Variants in GLB1 observed in about 807,000 individuals in gnomAD.
The protein encoded by GLB1 is beta-galactosidase.
Under a neutral mutation model 74.0 loss-of-function variants are expected in GLB1, and 56 were observed. The observed-to-expected ratio is 0.76, with a 90% CI of 0.61 to 0.94. The LOEUF (loss-of-function observed/expected upper bound fraction) is 0.94. Among genes scored for constraint, GLB1 ranks in the 40% least tolerant of loss-of-function variants. The pLI, the probability that GLB1 is intolerant of heterozygous loss-of-function variation, is 0.00. For synonymous variants in GLB1, 323 were observed against 323.6 expected, an observed-to-expected ratio of 1.00 and a Z score of 0.02; for missense variants, 787 against 845.5, an observed-to-expected ratio of 0.93 and a Z score of 0.86.
chr3:32,961,945 C>G, the GLB1 span, among the ~76,000 whole-genome samples: 1 of 152,150 alleles, frequency 6.6e-6, no homozygotes, highest in African/African-American at 2.4e-5. Flanking sequence ...CCTGTAATCC[C>G]GGTACTTTGG....
chr3:33,043,799 A>ACAGATACCTCAGAAAAATACC, intron 10 of GLB1, among the ~76,000 whole-genome samples: 1 of 151,874 alleles, frequency 6.6e-6, no homozygotes, highest in Non-Finnish European at 1.5e-5. Context: ...ATACCAAGCA[A>ACAGATACCTCAGAAAAATACC]AAGTATGCAG....
At chr3:32,978,987 T>C in the GLB1 span, among the ~76,000 whole-genome samples, 28 of 150,892 alleles carry the variant, frequency 1.9e-4, no homozygotes, top group Middle Eastern at 0.01. Context: ...TTCTTTTTTT[T>C]TTTTCTGAGA....
At chr3:33,026,931 G>A (rs1010931510) in intron 10 of GLB1, among the ~76,000 whole-genome samples, 5 of 152,204 alleles carry the variant, frequency 3.3e-5, no homozygotes, top group Non-Finnish European at 5.9e-5. Context: ...CCACTTGTCT[G>A]TATACCTCAT....
rs1697254517 is a variant in GLB1 at position 33,016,833 on chromosome 3, T to C, written c.1355A>G (p.Gln452Arg). ...RAYVAVDGIP[Q>R]GVLERNNVIT... Reference sequence around the variant, plus strand: ...CACATTGTTTCGCTCAAGGACTCCCTGGGGGATCTGTGGGGTTCAAGACCA... The same window carrying C: ...CACATTGTTTCGCTCAAGGACTCCCCGGGGGATCTGTGGGGTTCAAGACCA... Residue 452 changes from glutamine (Q) to arginine (R), a missense_variant, in exon 14 of 16, where the codon CAG becomes CGG. Coordinates refer to ENST00000307363, the MANE Select transcript of GLB1 (RefSeq NM_000404.4). The C allele has an allele frequency of 6.2e-7, 1 of 1,613,982 alleles. No individual in the cohort carries two copies. The highest frequency in any genetic ancestry group is 8.5e-7 in the Non-Finnish European group (1 of 1,179,886).
intron 3 of GLB1, 88 bp from the exon 4 acceptor site, chr3:33,068,378 A>C: frequency 1.3e-6 from 2 of 1,561,056 alleles, no homozygotes; most frequent in African/African-American, 2.7e-5. Context: ...GTTATGGAAA[A>C]GAATAAAAGC....
the GLB1 span, among the ~76,000 whole-genome samples, chr3:32,966,908 T>C: frequency 6.6e-6 from 1 of 152,170 alleles, no homozygotes; most frequent in Non-Finnish European, 1.5e-5. Flanking sequence ...CCTCCTGCCA[T>C]GATTGTGAGG....
intron 9 of GLB1, among the ~76,000 whole-genome samples, chr3:33,049,816 T>C (rs1047305358): frequency 6.6e-5 from 10 of 152,198 alleles, no homozygotes; most frequent in African/African-American, 2.4e-4. Flanking sequence ...TATTATCTTA[T>C]ATGCAGTGAC....
chr3:32,972,977 C>T, the GLB1 span, among the ~76,000 whole-genome samples: 5 of 152,170 alleles, frequency 3.3e-5, no homozygotes, highest in African/African-American at 1.2e-4. Flanking sequence ...AGTCACAAAA[C>T]ATGTTTTTCC....
At position 33,068,853 on chromosome 3, in the gene GLB1, C is replaced by A. The variant is rs879050821; in HGVS notation, c.363G>T (p.Arg121Ser). ...ACTCTGCACAGATGTAGGGCCCGGG[C>A]CTCAGGATAACCAGCAGTCCCAGCT... ...AHELGLLVIL[R>S]PGPYICAEWE... The change falls in exon 3 of 16, where the codon AGG (arginine) becomes AGT (serine). Residue 121 changes from arginine (R) to serine (S), a missense_variant. By Grantham distance (110) the Arg-to-Ser change is moderately radical (BLOSUM62 -1). Coordinates refer to ENST00000307363, the MANE Select transcript of GLB1 (RefSeq NM_000404.4). 1 of 1,614,094 alleles carries A rather than the reference C, an allele frequency of 6.2e-7. No homozygotes were observed. Among genetic ancestry groups the A allele is most frequent in the Non-Finnish European group, 8.5e-7 (1 of 1,180,034 alleles).
At chr3:32,997,695 G>T (rs1334604787) in intron 15 of GLB1, among the ~76,000 whole-genome samples, 1 of 152,190 alleles carries the variant, frequency 6.6e-6, no homozygotes, top group African/African-American at 2.4e-5. Flanking sequence ...ATTTCATCCT[G>T]GTTCCCAGGT....
chr3:33,052,105 G>A (rs1422452659), intron 7 of GLB1, 101 bp from the exon 8 acceptor site: 3 of 1,588,742 alleles, frequency 1.9e-6, no homozygotes, highest in Non-Finnish European at 1.7e-6. Context: ...AAAGGGGGTT[G>A]ACATGCTGAC....
intron 9 of GLB1, among the ~76,000 whole-genome samples, chr3:33,047,330 G>A (rs561828957): frequency 1.2e-4 from 18 of 152,346 alleles, no homozygotes; most frequent in Non-Finnish European, 1.8e-4. Context: ...GAGGTTGTCT[G>A]CAACATTGGG....
chr3:33,054,687 C>T (rs868750424), intron 6 of GLB1, among the ~76,000 whole-genome samples: 3 of 152,206 alleles, frequency 2.0e-5, no homozygotes, highest in Admixed American at 6.5e-5. Context: ...CTAATTTGTA[C>T]ATCAGCCATT....
At chr3:33,010,927 G>A (rs909480190) in intron 15 of GLB1, among the ~76,000 whole-genome samples, 4 of 152,096 alleles carry the variant, frequency 2.6e-5, no homozygotes, top group African/African-American at 9.7e-5. Context: ...CATGCTCTTG[G>A]CTCACTGCAG....
chr3:33,068,026 C>T (rs1699754646), intron 4 of GLB1, among the ~76,000 whole-genome samples: 1 of 152,144 alleles, frequency 6.6e-6, no homozygotes, highest in African/African-American at 2.4e-5. Context: ...GCTGGGATTA[C>T]AGGCGCCCAC....
At chr3:33,070,902 G>A (rs1559410987) in intron 2 of GLB1, among the ~76,000 whole-genome samples, 1 of 152,104 alleles carries the variant, frequency 6.6e-6, no homozygotes, top group Admixed American at 6.6e-5. Flanking sequence ...TGAGGCTTAG[G>A]AAAAATAAGA....
the GLB1 span, among the ~76,000 whole-genome samples, chr3:32,971,087 C>T: frequency 6.6e-6 from 1 of 152,210 alleles, no homozygotes; most frequent in African/African-American, 2.4e-5. Flanking sequence ...ATCGGATGCC[C>T]GGACTGTAAC....
chr3:33,094,035 G>A (rs752572266), intron 1 of GLB1: 18 of 1,614,118 alleles, frequency 1.1e-5, no homozygotes, highest in South Asian at 7.7e-5. Flanking sequence ...GAGCAAGAGC[G>A]AGTTGACAAA....
chr3:33,074,324 AGAAGGAAGGAAGGAAGGAAGGAAGGAAG>A (rs71622579), intron 1 of GLB1, among the ~76,000 whole-genome samples: 4 of 92,986 alleles, frequency 4.3e-5, no homozygotes, highest in African/African-American at 1.8e-4. Context: ...AGAACGAGAA[AGAAGGAAGGAAGGAAGGAAGGAAGGAAG>A]GAAGGAAGGA....
Sources: gnomAD v4.1 joint callset for allele counts (sites outside exome capture counted in the v4.1 genomes callset) on GRCh38, gnomAD v4.1.1 for gene constraint, MANE v1.5 for transcripts, NCBI Gene and HGNC (gene_info 2026-07-23, HGNC 2026-07-21) for gene names.